The following COL5A2 variants were observed in gnomAD, a reference collection of about 807,000 sequenced individuals.
The protein encoded by COL5A2 is collagen type V alpha 2 chain.
COL5A2 carries 23 observed loss-of-function variants against 208.2 expected under a neutral mutation model. The observed-to-expected ratio is 0.11, with a 90% CI of 0.08 to 0.16. COL5A2 has a LOEUF of 0.16. Ranked by LOEUF, COL5A2 falls within the 10% of genes least tolerant of loss-of-function variation. The pLI is 1.00. For missense variants in COL5A2, 1,590 were observed against 1,956.4 expected, an observed-to-expected ratio of 0.81 and a Z score of 3.53; for synonymous variants, 625 against 628.5, an observed-to-expected ratio of 0.99 and a Z score of 0.08.
chr2:189,365,459 C>T, the COL5A2 span, among the ~76,000 whole-genome samples: 422 of 152,310 alleles, frequency 2.8e-3, 2 homozygotes, highest in African/African-American at 9.5e-3. Flanking sequence ...ACCAACTTTA[C>T]GGAGACACTT....
chr2:189,069,756 T>C (rs1184297152), intron 18 of COL5A2, among the ~76,000 whole-genome samples: 1 of 152,228 alleles, frequency 6.6e-6, no homozygotes, highest in Non-Finnish European at 1.5e-5. Flanking sequence ...GTTTCCTTGC[T>C]ATATAAGCAA....
intron 2 of COL5A2, among the ~76,000 whole-genome samples, chr2:189,109,144 A>T (rs1687210637): frequency 6.6e-6 from 1 of 151,744 alleles, no homozygotes. Context: ...TTTGAAGGAG[A>T]CTGTATATTT....
chr2:189,379,660 T>C, the COL5A2 span, among the ~76,000 whole-genome samples: 1 of 152,216 alleles, frequency 6.6e-6, no homozygotes, highest in Admixed American at 6.5e-5. Flanking sequence ...TATCACACTA[T>C]AAATATGAAG....
At chr2:189,336,680 T>C in the COL5A2 span, among the ~76,000 whole-genome samples, 1 of 152,204 alleles carries the variant, frequency 6.6e-6, no homozygotes, top group African/African-American at 2.4e-5. Context: ...ATCCATGTTG[T>C]CTCTGGTGTT....
the COL5A2 span, among the ~76,000 whole-genome samples, chr2:189,320,627 GA>G: frequency 6.6e-6 from 1 of 152,180 alleles, no homozygotes; most frequent in East Asian, 1.9e-4. Flanking sequence ...AAAAGAATAA[GA>G]AGAAATCAAC....
At chr2:189,131,893 A>T (rs1291102862) in intron 1 of COL5A2, among the ~76,000 whole-genome samples, 2 of 152,252 alleles carry the variant, frequency 1.3e-5, no homozygotes, top group Non-Finnish European at 2.9e-5. Flanking sequence ...TAAATTAGTA[A>T]TTATGTATTT....
intron 1 of COL5A2, among the ~76,000 whole-genome samples, chr2:189,116,839 T>G (rs1036903068): frequency 6.6e-6 from 1 of 152,164 alleles, no homozygotes; most frequent in African/African-American, 2.4e-5. Flanking sequence ...TTTTATATTC[T>G]AAAGCAATAT....
At chr2:189,285,196 T>C in the COL5A2 span, among the ~76,000 whole-genome samples, 2 of 151,774 alleles carry the variant, frequency 1.3e-5, no homozygotes, top group Non-Finnish European at 2.9e-5. Context: ...CTCTGCTTGT[T>C]CCTGCCCCTG....
chr2:189,350,389 CT>C, the COL5A2 span, among the ~76,000 whole-genome samples: 1 of 152,166 alleles, frequency 6.6e-6, no homozygotes, highest in Non-Finnish European at 1.5e-5. Flanking sequence ...AAGACATAGA[CT>C]TTTAGACAGG....
At chr2:189,038,328 C>T (rs767656662) in intron 51 of COL5A2, among the ~76,000 whole-genome samples, 13 of 152,062 alleles carry the variant, frequency 8.5e-5, no homozygotes, top group Non-Finnish European at 1.5e-4. Flanking sequence ...TATGGTTTCC[C>T]GCTGCATCCA....
the COL5A2 span, among the ~76,000 whole-genome samples, chr2:189,421,696 G>C: frequency 6.6e-6 from 1 of 152,132 alleles, no homozygotes; most frequent in Non-Finnish European, 1.5e-5. Flanking sequence ...GGGAACCACA[G>C]CTCCTGCAAG....
At chr2:189,243,122 G>A in the COL5A2 span, among the ~76,000 whole-genome samples, 1 of 152,150 alleles carries the variant, frequency 6.6e-6, no homozygotes. Flanking sequence ...TTGAAGCCAA[G>A]TGAGTGATGA....
intron 1 of COL5A2, among the ~76,000 whole-genome samples, chr2:189,223,076 G>T (rs1420761559): frequency 6.6e-6 from 1 of 152,098 alleles, no homozygotes; most frequent in African/African-American, 2.4e-5. Context: ...GTCTAAGTCA[G>T]TCCAGCTAAA....
rs1409662552 is a variant in COL5A2 at position 189,098,790 on chromosome 2, T to C, written c.370-31A>G. On this transcript the variant is annotated intron_variant, in intron 4 of 53. Transcript: ENST00000374866. ...CAATAAACAAGAAAATTTGTAAAGG[T>C]AAAGTTTCTGCAGATATTCAGAGAG... The C allele has an allele frequency of 8.8e-6, 14 of 1,590,230 alleles. No homozygotes were observed. In the African/African-American group the frequency reaches 1.7e-4, roughly 20 times the overall value.
chr2:189,267,340 T>G, the COL5A2 span, among the ~76,000 whole-genome samples: 4 of 152,180 alleles, frequency 2.6e-5, no homozygotes, highest in Non-Finnish European at 5.9e-5. Context: ...AAATATTTAT[T>G]ATAGTGTAAT....
chr2:189,088,837 T>C, intron 7 of COL5A2, 65 bp from the exon 8 acceptor site: 2 of 1,166,270 alleles, frequency 1.7e-6, no homozygotes, highest in South Asian at 1.2e-5. Flanking sequence ...CCTTTTCATA[T>C]GGATAAATGT....
intron 44 of COL5A2, 86 bp downstream of exon 44, chr2:189,049,261 A>C: frequency 1.1e-6 from 1 of 933,810 alleles, no homozygotes; most frequent in Non-Finnish European, 1.7e-6. Context: ...ATATGCAATA[A>C]AATTCTAAAT....
the COL5A2 span, among the ~76,000 whole-genome samples, chr2:189,331,072 T>C: frequency 6.6e-5 from 10 of 152,064 alleles, no homozygotes; most frequent in Non-Finnish European, 1.2e-4. Flanking sequence ...ATTTACATGA[T>C]AATATAGAAA....
rs902630340 is a variant in COL5A2, at chr2:189,123,329, CT to C, written c.98-12881del. ...TGGAGGAAGAAATATCTACTGGGTA[CT>C]TTGGGTTAAATTGTGCCCTGCTAAA... On this transcript the variant is annotated intron_variant, in intron 1 of 53. Coordinates refer to ENST00000374866, the MANE Select transcript of COL5A2 (RefSeq NM_000393.5). 7.9e-5 allele frequency among the ~76,000 whole-genome samples: 12 copies of C among 152,272 alleles called. No individual in the cohort carries two copies. The East Asian group carries it at 2.3e-3, about 29-fold the overall frequency.
Sources: allele counts gnomAD v4.1 joint callset (sites outside exome capture counted in the v4.1 genomes callset), GRCh38; gene constraint gnomAD v4.1.1; transcripts MANE v1.5; gene names NCBI Gene and HGNC (gene_info 2026-07-23, HGNC 2026-07-21).